Variants in EHBP1 observed in about 807,000 individuals in gnomAD.
EHBP1 encodes the protein EH domain-binding protein 1.
Under a neutral mutation model 144.0 loss-of-function variants are expected in EHBP1, and 55 were observed. That is an observed-to-expected ratio of 0.38 (90% CI 0.31 to 0.48). EHBP1 has a LOEUF of 0.48. EHBP1 is among the 20% of genes least tolerant of loss of function. EHBP1 has a pLI of 0.98. For missense variants in EHBP1, 1,200 were observed against 1,364.2 expected (o/e 0.88, Z 1.90); for synonymous variants, 469 against 472.7 (o/e 0.99, Z 0.10).
At chr2:62,873,254 G>T (rs1208333077) in intron 9 of EHBP1, among the ~76,000 whole-genome samples, 1 of 152,118 alleles carries the variant, frequency 6.6e-6, no homozygotes, top group Non-Finnish European at 1.5e-5. Flanking sequence ...TTGACAGATA[G>T]AGACTATAAA....
At position 62,929,615 on chromosome 2, in the gene EHBP1, TATC is replaced by T. The variant is rs565655972; in HGVS notation, c.1186-13100_1186-13098del. On this transcript the variant is annotated intron_variant, in intron 10 of 22. Coordinates refer to ENST00000431489, the MANE Select transcript of EHBP1 (RefSeq NM_001142616.3). ...TCATATATGAAAAACCCACAGAAAA[TATC>T]ATATTCAATAGTGAAAGACTTCTAT... Among the ~76,000 whole-genome samples the T allele has an allele frequency of 1.9e-3, 289 of 151,878 alleles. 1 individual carries two copies. The highest frequency in any genetic ancestry group is 3.2e-3 in the Non-Finnish European group (216 of 67,914).
At position 62,820,839 on chromosome 2, in the gene EHBP1, T is replaced by A. The variant is rs2045928535; in HGVS notation, c.313-5248T>A. Among the ~76,000 whole-genome samples the A allele has an allele frequency of 2.2e-5, 3 of 134,182 alleles. No homozygotes were observed. The South Asian group carries it at 7.3e-4, about 33-fold the overall frequency. The allele number at this position is 134,182 out of a possible 152,430, so 88.0% of individuals were successfully genotyped here. ...ATTTTCAAAAAGTGAAGGGAAAGAG[T>A]AATAAAAAATTTAGAATACTGTTTC... On this transcript the variant is annotated intron_variant, in intron 5 of 22. Coordinates refer to ENST00000431489, the MANE Select transcript of EHBP1 (RefSeq NM_001142616.3).
intron 14 of EHBP1, chr2:62,965,109 A>G (rs1455524421): frequency 6.6e-6 from 1 of 152,504 alleles, no homozygotes; most frequent in Non-Finnish European, 1.5e-5. Context: ...AGCCGCAGAA[A>G]CTGTTTGTGC....
chr2:62,675,382 T>G (rs2033247733), intron 1 of EHBP1, among the ~76,000 whole-genome samples: 1 of 152,206 alleles, frequency 6.6e-6, no homozygotes, highest in Non-Finnish European at 1.5e-5. Flanking sequence ...TGTCTATATG[T>G]GCAAGTCATG....
chr2:62,900,111 A>G (rs1244078381), intron 10 of EHBP1, among the ~76,000 whole-genome samples: 1 of 152,196 alleles, frequency 6.6e-6, no homozygotes, highest in Non-Finnish European at 1.5e-5. Context: ...TTGCTAGTAC[A>G]TTTAAGGGTT....
At chr2:62,936,652 G>A (rs1412873747) in intron 10 of EHBP1, among the ~76,000 whole-genome samples, 1 of 151,932 alleles carries the variant, frequency 6.6e-6, no homozygotes, top group East Asian at 1.9e-4. Context: ...TTGGCTTGGA[G>A]AAAGTTGGTT....
intron 5 of EHBP1, among the ~76,000 whole-genome samples, chr2:62,806,602 A>G (rs1441417888): frequency 2.6e-5 from 4 of 152,092 alleles, no homozygotes; most frequent in Admixed American, 1.3e-4. Flanking sequence ...GGTTCAAGCA[A>G]TCCTCTTGCC....
chr2:62,783,628 G>C (rs960493729), intron 5 of EHBP1, among the ~76,000 whole-genome samples: 1 of 152,242 alleles, frequency 6.6e-6, no homozygotes, highest in African/African-American at 2.4e-5. Flanking sequence ...CTGTATGTTG[G>C]CCCCTTTTAG....
Position 62,965,315 on chromosome 2 carries a change from A to G in EHBP1, c.2460+9655A>G, listed in dbSNP as rs564689390. Among the ~76,000 whole-genome samples the G allele has an allele frequency of 3.3e-5, 5 of 152,274 alleles. No homozygotes were observed. The East Asian group carries it at 9.6e-4, about 29-fold the overall frequency. On this transcript the variant is annotated intron_variant, in intron 14 of 22. Transcript: ENST00000431489. ...ATTTTGTGAAATGTTTAGCAAGTTT[A>G]TTTTCCTCTCTCTTCATTAAGAAAT...
intron 7 of EHBP1, among the ~76,000 whole-genome samples, chr2:62,840,745 A>G (rs1214915677): frequency 1.3e-5 from 2 of 151,756 alleles, no homozygotes; most frequent in East Asian, 1.9e-4. Flanking sequence ...AAAAATGCTC[A>G]TCATCACTGG....
chr2:62,774,914 A>ATG (rs1454983784), intron 5 of EHBP1, among the ~76,000 whole-genome samples: 2 of 151,792 alleles, frequency 1.3e-5, no homozygotes, highest in Non-Finnish European at 2.9e-5. Context: ...TTACACTCAT[A>ATG]TGTGTGTGTG....
At chr2:62,711,499 A>G (rs936730225) in intron 2 of EHBP1, among the ~76,000 whole-genome samples, 2 of 152,236 alleles carry the variant, frequency 1.3e-5, no homozygotes, top group African/African-American at 2.4e-5. Context: ...TGGGACATCC[A>G]GATGGAGATC....
chr2:63,045,130 G>C lies in EHBP1; in HGVS notation c.3342G>C (p.Leu1114=), dbSNP rs930037252. The change falls in exon 22 of 23, where the codon CTG becomes CTC. Residue 1114 remains leucine (L), a synonymous_variant. Transcript: ENST00000431489. This position sits in a 1 kb window ranked among gnomAD's most constrained non-coding sequence, Gnocchi z 5.7. Reference sequence around the variant, plus strand: ...TTCTGCTAGATGAGCTGGTGGCCCTGGTGAACAAGCGCGATGCGCTCGTCA... The same window carrying C: ...TTCTGCTAGATGAGCTGGTGGCCCTCGTGAACAAGCGCGATGCGCTCGTCA... ...EQLLLDELVA[L]VNKRDALVRD... 1 of 1,598,178 alleles carries C rather than the reference G, an allele frequency of 6.3e-7. No individual in the cohort carries two copies. The highest frequency in any genetic ancestry group is 8.5e-7 in the Non-Finnish European group (1 of 1,172,146).
At chr2:62,720,146 T>C (rs2036083017) in intron 2 of EHBP1, among the ~76,000 whole-genome samples, 1 of 152,196 alleles carries the variant, frequency 6.6e-6, no homozygotes, top group African/African-American at 2.4e-5. Context: ...TTAAGTTGTT[T>C]GGACCTGACT....
intron 5 of EHBP1, among the ~76,000 whole-genome samples, chr2:62,811,740 T>G (rs974016320): frequency 1.3e-5 from 2 of 152,204 alleles, no homozygotes; most frequent in Non-Finnish European, 2.9e-5. Flanking sequence ...ACTTCTAAGG[T>G]CTCTTCTAAT....
At chr2:62,935,344 A>AAAATATATAT (rs1553479000) in intron 10 of EHBP1, among the ~76,000 whole-genome samples, 9 of 121,482 alleles carry the variant, frequency 7.4e-5, no homozygotes, top group Non-Finnish European at 1.2e-4. Flanking sequence ...AAAAAAAAAA[A>AAAATATATAT]ATATATATAT....
intron 2 of EHBP1, among the ~76,000 whole-genome samples, chr2:62,742,305 C>T (rs2038788151): frequency 6.6e-6 from 1 of 152,104 alleles, no homozygotes; most frequent in Non-Finnish European, 1.5e-5. Context: ...ATATAAGGGA[C>T]TTGAACATCC....
intron 8 of EHBP1, among the ~76,000 whole-genome samples, chr2:62,863,690 T>C (rs2049788774): frequency 6.6e-6 from 1 of 152,084 alleles, no homozygotes; most frequent in Admixed American, 6.5e-5. Context: ...TTCAGTGGCC[T>C]GTGAGTATAT....
At chr2:62,736,819 T>G (rs1020704061) in intron 2 of EHBP1, among the ~76,000 whole-genome samples, 1 of 152,174 alleles carries the variant, frequency 6.6e-6, no homozygotes, top group Non-Finnish European at 1.5e-5. Context: ...TATTCCAGTA[T>G]CCCTGCCATA....
Sources: gnomAD v4.1 joint callset for allele counts (sites outside exome capture counted in the v4.1 genomes callset) on GRCh38, gnomAD v4.1.1 for gene constraint, Gnocchi (gnomAD v3.1) non-coding constraint, MANE v1.5 for transcripts, NCBI Gene and HGNC (gene_info 2026-07-23, HGNC 2026-07-21) for gene names.